Variants in DSE observed in about 807,000 individuals in gnomAD.
DSE encodes the protein dermatan-sulfate epimerase.
DSE carries 36 observed loss-of-function variants against 84.4 expected under a neutral mutation model. The observed-to-expected ratio is 0.43, with a 90% CI of 0.33 to 0.56. DSE has a LOEUF of 0.56. DSE is among the 20% of genes least tolerant of loss of function. The pLI, the probability that DSE is intolerant of heterozygous loss-of-function variation, is 0.06. For missense variants in DSE, 862 were observed against 1,169.6 expected (o/e 0.74, Z 3.84); for synonymous variants, 410 against 430.1 (o/e 0.95, Z 0.58).
At chr6:116,371,512 G>A (rs766407759) in intron 1 of DSE, among the ~76,000 whole-genome samples, 147 of 152,358 alleles carry the variant, frequency 9.6e-4, no homozygotes, top group Non-Finnish European at 1.7e-3. Context: ...TCACTCTGCG[G>A]GGTTGGGTGG....
chr6:116,384,141 T>C (rs776907105), intron 1 of DSE, among the ~76,000 whole-genome samples: 16 of 152,160 alleles, frequency 1.1e-4, no homozygotes, highest in Non-Finnish European at 2.4e-4. Flanking sequence ...CATGAGGGAA[T>C]CACTTTAAAT....
chr6:116,375,236 A>G (rs1457066939), intron 1 of DSE, among the ~76,000 whole-genome samples: 1 of 146,126 alleles, frequency 6.8e-6, no homozygotes, highest in Non-Finnish European at 1.5e-5. Flanking sequence ...CCATTTGATG[A>G]TAACAATAAT....
At chr6:116,304,118 G>A (rs1195171234) in intron 2 of DSE, among the ~76,000 whole-genome samples, 3 of 142,348 alleles carry the variant, frequency 2.1e-5, no homozygotes, top group Admixed American at 7.0e-5. Context: ...GCAAGACTCC[G>A]TCTCAAAAAA....
chr6:116,279,307 A>G lies in DSE; in HGVS notation c.-54+20340A>G, dbSNP rs1313077127. On this transcript the variant is annotated intron_variant, in intron 2 of 3. Coordinates refer to the DSE transcript ENST00000430252. ...CTTCTCCGCCAGGCCTTCCTTCACCACCTCAGCGCTCTCCCTCTCAGCCAC... is the reference window on the plus strand; with the variant it reads ...CTTCTCCGCCAGGCCTTCCTTCACCGCCTCAGCGCTCTCCCTCTCAGCCAC... 2.5e-6 allele frequency: 4 copies of G among 1,604,818 alleles called. No homozygotes were observed. Among genetic ancestry groups the G allele is most frequent in the Non-Finnish European group, 1.7e-6 (2 of 1,178,330 alleles).
In DSE at chr6:116,278,619, T is replaced by A. The variant is rs1319907789; in HGVS notation, c.-54+19652T>A. Reference sequence around the variant, plus strand: ...CTTCACGCAACAGGTAGTATTGCAGTGGATTTGGCCACAGATCCTCTTTAA... The same window carrying A: ...CTTCACGCAACAGGTAGTATTGCAGAGGATTTGGCCACAGATCCTCTTTAA... On this transcript the variant is annotated intron_variant, in intron 2 of 3. Transcript: ENST00000430252. 4 of 1,614,022 alleles carry A rather than the reference T, an allele frequency of 2.5e-6. No homozygotes were observed. In the Admixed American group the frequency reaches 6.7e-5, roughly 27 times the overall value.
intron 2 of DSE, among the ~76,000 whole-genome samples, chr6:116,261,789 A>G (rs1772425649): frequency 6.6e-6 from 1 of 152,104 alleles, no homozygotes; most frequent in South Asian, 2.1e-4. Context: ...ACCTACTTTG[A>G]GAGTTTTTAA....
chr6:116,279,228 T>C (rs562952365), intron 2 of DSE: 1 of 1,609,422 alleles, frequency 6.2e-7, no homozygotes, highest in African/African-American at 1.3e-5. Context: ...CCACTTCTAT[T>C]TCTTCACCTT....
At chr6:116,369,852 T>C (rs1779399215), upstream of DSE, 1 of 1,233,388 alleles carries the variant, frequency 8.1e-7, no homozygotes, top group African/African-American at 1.5e-5. Context: ...GATAGAGGAA[T>C]TGGATGGAGG....
chr6:116,431,628 C>CA (rs1159752901), intron 4 of DSE, among the ~76,000 whole-genome samples: 1 of 151,844 alleles, frequency 6.6e-6, no homozygotes, highest in Admixed American at 6.6e-5. Context: ...AGACATGATT[C>CA]AAAATGAAAG....
At chr6:116,345,070 A>C (rs1777864750) in intron 2 of DSE, among the ~76,000 whole-genome samples, 1 of 152,236 alleles carries the variant, frequency 6.6e-6, no homozygotes, top group Non-Finnish European at 1.5e-5. Flanking sequence ...AAGAAGAGCT[A>C]ACCTAAATAT....
chr6:116,312,737 G>C (rs1218960580), intron 2 of DSE, among the ~76,000 whole-genome samples: 2 of 151,916 alleles, frequency 1.3e-5, no homozygotes, highest in Non-Finnish European at 2.9e-5. Flanking sequence ...TGAAACAGTA[G>C]TTACACATTG....
chr6:116,278,581 G>GCTCTACGGA (rs1773278663), intron 2 of DSE: 1 of 1,614,050 alleles, frequency 6.2e-7, no homozygotes, highest in Non-Finnish European at 8.5e-7. Flanking sequence ...GCGACGTCGG[G>GCTCTACGGA]CTCTACGGAC....
intron 2 of DSE, among the ~76,000 whole-genome samples, chr6:116,311,189 G>T (rs541122653): frequency 1.3e-5 from 2 of 152,244 alleles, no homozygotes; most frequent in African/African-American, 4.8e-5. Flanking sequence ...TTTGCCCAAG[G>T]TCCTAGGAAC....
chr6:116,397,279 G>A (rs561632506), intron 1 of DSE, among the ~76,000 whole-genome samples: 11 of 145,960 alleles, frequency 7.5e-5, no homozygotes, highest in African/African-American at 2.6e-4. Flanking sequence ...GTGGATCTTG[G>A]CTCACTGCAA....
intron 2 of DSE, among the ~76,000 whole-genome samples, chr6:116,346,112 T>C (rs1471927545): frequency 6.6e-6 from 1 of 152,174 alleles, no homozygotes; most frequent in Non-Finnish European, 1.5e-5. Flanking sequence ...GGCTCTGAAA[T>C]TGAGGCAATA....
In DSE at chr6:116,431,713, CAAA is replaced by C. The variant is rs376536609; in HGVS notation, c.910+525_910+527del. Among the ~76,000 whole-genome samples the C allele has an allele frequency of 2.2e-3, 335 of 151,910 alleles. 1 individual carries two copies. The highest frequency in any genetic ancestry group is 7.8e-3 in the African/African-American group (323 of 41,476). On this transcript the variant is annotated intron_variant, in intron 4 of 5. Coordinates refer to ENST00000644252, the MANE Select transcript of DSE (RefSeq NM_013352.4). ...GAAGTAAATAGTATAGAAAAGTAAA[CAAA>C]AAAAGTGCTGTAAAACTTGTAATTT...
chr6:116,433,814 A>G (rs1783991476), intron 5 of DSE, among the ~76,000 whole-genome samples: 3 of 152,178 alleles, frequency 2.0e-5, no homozygotes, highest in Admixed American at 2.0e-4. Flanking sequence ...ATAGTACCTA[A>G]TAGGTAGTGT....
At chr6:116,267,857 T>TGA (rs149576222) in intron 2 of DSE, among the ~76,000 whole-genome samples, 2,050 of 148,666 alleles carry the variant, frequency 0.014, 48 homozygotes, top group African/African-American at 0.047. Context: ...TGACAAAGCT[T>TGA]GAGAGAGAGA....
chr6:116,400,798 T>G (rs966960841), intron 2 of DSE: 4 of 152,204 alleles, frequency 2.6e-5, no homozygotes, highest in Admixed American at 2.6e-4. Flanking sequence ...TTAACTGATC[T>G]TATTCTATTC....
Sources: allele counts gnomAD v4.1 joint callset (sites outside exome capture counted in the v4.1 genomes callset), GRCh38; gene constraint gnomAD v4.1.1; transcripts MANE v1.5; gene names NCBI Gene and HGNC (gene_info 2026-07-23, HGNC 2026-07-21).